Variants in MAPK9 observed in about 807,000 individuals in gnomAD.
MAPK9 encodes the protein mitogen-activated protein kinase 9.
MAPK9 carries 30 observed loss-of-function variants against 57.1 expected under a neutral mutation model. The ratio of observed to expected loss-of-function variants is 0.53; its 90% CI spans 0.39 to 0.71. The LOEUF (loss-of-function observed/expected upper bound fraction) is 0.71. MAPK9 is among the 30% of genes least tolerant of loss of function. MAPK9 has a pLI of 0.00. For missense variants in MAPK9, 362 were observed against 521.0 expected (o/e 0.69, Z 2.97); for synonymous variants, 155 against 177.0 (o/e 0.88, Z 0.99).
intron 1 of MAPK9, among the ~76,000 whole-genome samples, chr5:180,285,767 C>CAAT (rs35216018): frequency 6.7e-6 from 1 of 150,272 alleles, no homozygotes; most frequent in Non-Finnish European, 1.5e-5. Context: ...CTATATTAAA[C>CAAT]AATAATAATA....
At chr5:180,270,339 G>A (rs1176923469) in intron 2 of MAPK9, among the ~76,000 whole-genome samples, 2 of 152,096 alleles carry the variant, frequency 1.3e-5, no homozygotes, top group Admixed American at 6.5e-5. Flanking sequence ...TAAAGTTGAA[G>A]GCTATCTGTT....
chr5:180,261,982 AAAT>A (rs1407354507), intron 4 of MAPK9, among the ~76,000 whole-genome samples, 160 bp from the exon 5 acceptor site: 2 of 152,228 alleles, frequency 1.3e-5, no homozygotes, highest in African/African-American at 4.8e-5. Context: ...AAGAATATAT[AAAT>A]AACAAACTTA....
At position 180,250,365 on chromosome 5, in the gene MAPK9, C is replaced by T. The variant is rs372788060; in HGVS notation, c.451-1227G>A. Among the ~76,000 whole-genome samples the T allele has an allele frequency of 8.7e-4, 132 of 152,268 alleles. 1 individual carries two copies. The highest frequency in any genetic ancestry group is 6.8e-3 in the Middle Eastern group (2 of 294). On this transcript the variant is annotated intron_variant, in intron 5 of 11. Transcript: ENST00000452135. ...GAATTTGACTTTTGCCTGGGGACTT[C>T]GGCCTGCAAACTCACTTGAGAAACT...
intron 2 of MAPK9, among the ~76,000 whole-genome samples, chr5:180,269,801 G>A (rs1409232086): frequency 1.3e-5 from 2 of 152,124 alleles, no homozygotes; most frequent in Non-Finnish European, 2.9e-5. Context: ...TGTATATTTT[G>A]GAATATCACA....
intron 2 of MAPK9, among the ~76,000 whole-genome samples, chr5:180,278,184 A>G (rs1761991152): frequency 6.6e-6 from 1 of 152,272 alleles, no homozygotes; most frequent in Non-Finnish European, 1.5e-5. Flanking sequence ...GGTACAGGCA[A>G]TAAGGTCCCA....
intron 5 of MAPK9, 150 bp downstream of exon 5, chr5:180,261,534 C>T: frequency 1.2e-6 from 1 of 807,068 alleles, no homozygotes; most frequent in South Asian, 2.2e-5. Context: ...CAGATGCCTC[C>T]TAGAATGACT....
chr5:180,287,328 C>T (rs771279667), intron 1 of MAPK9, among the ~76,000 whole-genome samples: 2 of 152,144 alleles, frequency 1.3e-5, no homozygotes, highest in African/African-American at 2.4e-5. Context: ...AATATGTAAC[C>T]GTGGGAGAAA....
intron 5 of MAPK9, 140 bp from the exon 6 acceptor site, chr5:180,249,278 T>C (rs1173159350): frequency 1.2e-6 from 1 of 814,980 alleles, no homozygotes; most frequent in Non-Finnish European, 1.8e-6. Flanking sequence ...CTTTGGAAAA[T>C]CTTACTCTCA....
intron 1 of MAPK9, among the ~76,000 whole-genome samples, chr5:180,289,771 T>C (rs1301802371): frequency 6.6e-6 from 1 of 152,180 alleles, no homozygotes; most frequent in Non-Finnish European, 1.5e-5. Context: ...CCAAGCTGAA[T>C]GAATCTGTAT....
intron 5 of MAPK9, among the ~76,000 whole-genome samples, chr5:180,251,201 C>G (rs1758654304): frequency 6.6e-6 from 1 of 152,178 alleles, no homozygotes; most frequent in South Asian, 2.1e-4. Context: ...GGCACTTTCT[C>G]TCCAGGAGGC....
intron 6 of MAPK9, chr5:180,248,042 G>A (rs1240099057): frequency 1.0e-5 from 9 of 872,098 alleles, no homozygotes; most frequent in South Asian, 1.7e-5. Flanking sequence ...GCCTCTGTGC[G>A]TTGTTGATAC....
At chr5:180,248,478 T>G (rs1240000667) in intron 6 of MAPK9, among the ~76,000 whole-genome samples, 1 of 152,260 alleles carries the variant, frequency 6.6e-6, no homozygotes, top group Non-Finnish European at 1.5e-5. Context: ...CTGATATTGC[T>G]AGAATAAGCT....
Position 180,233,280 on chromosome 5 carries a change from T to C in MAPK9, c.*3104A>G, listed in dbSNP as rs1281175903. On this transcript the variant is annotated 3_prime_UTR_variant, in exon 12 of 12. Transcript: ENST00000452135. ...GTTAAGTAACATGACTAAGGCTGAC[T>C]GGTGAATTCTCCTGGCCACGCCTCA... 2.0e-5 allele frequency: 3 copies of C among 152,178 alleles called. No individual in the cohort carries two copies. Among genetic ancestry groups the C allele is most frequent in the Admixed American group, 1.3e-4 (2 of 15,274 alleles). The allele number at this position is 152,178 out of a possible 1,614,324, so 9.4% of individuals were successfully genotyped here. A position where few individuals can be genotyped will look rare whatever the true frequency, so the allele number is the denominator to read the frequency against.
At chr5:180,270,911 C>G (rs1412080717) in intron 2 of MAPK9, among the ~76,000 whole-genome samples, 1 of 148,184 alleles carries the variant, frequency 6.7e-6, no homozygotes, top group African/African-American at 2.5e-5. Context: ...AAAACAGACA[C>G]ACTTTTTTGG....
intron 3 of MAPK9, among the ~76,000 whole-genome samples, chr5:180,265,434 G>A (rs374708159): frequency 8.5e-5 from 13 of 152,190 alleles, no homozygotes; most frequent in African/African-American, 2.9e-4. Flanking sequence ...GGTTTCCCCC[G>A]TGCTGTTCTT....
chr5:180,267,454 C>G (rs547143098), intron 3 of MAPK9, among the ~76,000 whole-genome samples: 2 of 148,712 alleles, frequency 1.3e-5, no homozygotes, highest in African/African-American at 2.5e-5. Context: ...CCCGGCTACT[C>G]GGGAGGCTGA....
intron 5 of MAPK9, among the ~76,000 whole-genome samples, chr5:180,257,153 G>C (rs532758170): frequency 6.6e-6 from 1 of 152,302 alleles, no homozygotes; most frequent in Non-Finnish European, 1.5e-5. Flanking sequence ...CTAGCCCTGG[G>C]AGGACAAGAG....
At chr5:180,291,590 G>C (rs2127639635) in intron 1 of MAPK9, among the ~76,000 whole-genome samples, 1 of 152,178 alleles carries the variant, frequency 6.6e-6, no homozygotes. Flanking sequence ...ACCTCCGGGA[G>C]GGATGGCGCC....
intron 2 of MAPK9, among the ~76,000 whole-genome samples, chr5:180,277,302 G>C (rs1352913764): frequency 6.6e-6 from 1 of 152,212 alleles, no homozygotes; most frequent in Non-Finnish European, 1.5e-5. Context: ...AAGCAGGGCT[G>C]CGTGGCTCCT....
Sources: allele counts gnomAD v4.1 joint callset (sites outside exome capture counted in the v4.1 genomes callset), GRCh38; gene constraint gnomAD v4.1.1; transcripts MANE v1.5; gene names NCBI Gene and HGNC (gene_info 2026-07-23, HGNC 2026-07-21).